The following SOS2 variants were observed in gnomAD, a reference collection of about 807,000 sequenced individuals.
The protein encoded by SOS2 is son of sevenless homolog 2.
In SOS2, 65 loss-of-function variants were observed where a neutral mutation model predicts 148.2. The observed-to-expected ratio is 0.44, with a 90% CI of 0.36 to 0.54. The LOEUF is 0.54. Among genes scored for constraint, SOS2 ranks in the 20% least tolerant of loss-of-function variants. The pLI is 0.00. For missense variants in SOS2, 1,341 were observed against 1,590.2 expected (o/e 0.84, Z 2.67); for synonymous variants, 539 against 537.1 (o/e 1.00, Z -0.05).
At chr14:50,178,741 T>TATAA (rs1885625783) in intron 7 of SOS2, among the ~76,000 whole-genome samples, 1 of 142,928 alleles carries the variant, frequency 7.0e-6, no homozygotes, top group African/African-American at 2.7e-5. Flanking sequence ...TATATATATA[T>TATAA]ATATTTTTTG....
At chr14:50,173,937 T>C (rs1221641057) in intron 8 of SOS2, among the ~76,000 whole-genome samples, 1 of 152,156 alleles carries the variant, frequency 6.6e-6, no homozygotes, top group Non-Finnish European at 1.5e-5. Flanking sequence ...TTGGCCAACA[T>C]TTAAAAATGC....
chr14:50,213,739 C>A (rs950242703), intron 1 of SOS2, among the ~76,000 whole-genome samples: 1 of 149,216 alleles, frequency 6.7e-6, no homozygotes, highest in Non-Finnish European at 1.5e-5. Context: ...GAATATTAAT[C>A]CAACTCAAAT....
intron 4 of SOS2, among the ~76,000 whole-genome samples, chr14:50,197,104 C>T (rs1285014463): frequency 2.0e-5 from 3 of 152,172 alleles, no homozygotes; most frequent in Non-Finnish European, 4.4e-5. Flanking sequence ...CCACCTGTCT[C>T]AGCCTCCCAA....
chr14:50,201,227 T>C (rs1886475845), intron 2 of SOS2, 143 bp from the exon 3 acceptor site: 2 of 797,904 alleles, frequency 2.5e-6, no homozygotes, highest in African/African-American at 1.8e-5. Flanking sequence ...AATAAATAAA[T>C]TTTTTGGCTT....
intron 7 of SOS2, among the ~76,000 whole-genome samples, chr14:50,175,731 T>TA (rs1233513990): frequency 6.6e-6 from 1 of 152,132 alleles, no homozygotes; most frequent in Non-Finnish European, 1.5e-5. Context: ...ATGTTAATTT[T>TA]AAATGTCTAT....
At chr14:50,156,449 C>T (rs988922920) in intron 12 of SOS2, 4 of 152,084 alleles carry the variant, frequency 2.6e-5, no homozygotes, top group Non-Finnish European at 4.4e-5. Context: ...GGGTAATCCC[C>T]GGCACACAGT....
intron 21 of SOS2, among the ~76,000 whole-genome samples, chr14:50,124,390 G>A (rs139400703): frequency 3.0e-4 from 45 of 152,262 alleles, no homozygotes; most frequent in African/African-American, 9.9e-4. Flanking sequence ...CATTTATTGG[G>A]TATTTTGTAT....
chr14:50,195,694 G>A (rs1886290463), intron 4 of SOS2, among the ~76,000 whole-genome samples: 1 of 152,118 alleles, frequency 6.6e-6, no homozygotes, highest in Non-Finnish European at 1.5e-5. Flanking sequence ...CCAGGGGTTT[G>A]AAGCTGCAGT....
At chr14:50,156,152 A>C (rs1884810511) in intron 12 of SOS2, 1 of 152,132 alleles carries the variant, frequency 6.6e-6, no homozygotes, top group Non-Finnish European at 1.5e-5. Context: ...ATAATTAATA[A>C]GATAACTTGG....
chr14:50,129,529 C>T (rs1287058578), intron 21 of SOS2, among the ~76,000 whole-genome samples: 2 of 152,124 alleles, frequency 1.3e-5, no homozygotes, highest in South Asian at 2.1e-4. Flanking sequence ...GGACTACAGG[C>T]GTGCACCACC....
upstream of SOS2, chr14:50,231,602 T>G (rs1037284369): frequency 6.5e-6 from 1 of 152,806 alleles, no homozygotes; most frequent in African/African-American, 2.4e-5. Flanking sequence ...CTCCTTTGTC[T>G]GGGTTCGCGG....
At chr14:50,145,641 T>A (rs760711816) in intron 14 of SOS2, 45 bp from the exon 15 acceptor site, 10 of 1,279,382 alleles carry the variant, frequency 7.8e-6, no homozygotes, top group Non-Finnish European at 1.1e-5. Flanking sequence ...AAAGGATTTG[T>A]ATTACTTAAA....
chr14:50,214,410 A>G (rs776733033), intron 1 of SOS2, among the ~76,000 whole-genome samples: 1 of 152,154 alleles, frequency 6.6e-6, no homozygotes, highest in Non-Finnish European at 1.5e-5. Flanking sequence ...GGAGAAATAA[A>G]TATTTCCTCT....
chr14:50,186,959 G>A (rs1543426), intron 5 of SOS2, among the ~76,000 whole-genome samples: 132,632 of 152,262 alleles, frequency 0.87, 57,831 homozygotes, highest in East Asian at 0.91. Context: ...ATTTACTCAC[G>A]ATGTAGTTAT....
Position 50,227,243 on chromosome 14 carries a change from C to CTTTTT in SOS2, c.87+3953_87+3954insAAAAA, listed in dbSNP as rs374477701. Among the ~76,000 whole-genome samples, 694 of 112,544 alleles carry CTTTTT rather than the reference C, an allele frequency of 6.2e-3. 20 individuals are homozygous for CTTTTT. The highest frequency in any genetic ancestry group is 7.0e-3 in the Non-Finnish European group (406 of 57,758). 73.8% of individuals were successfully genotyped at this position (112,544 alleles called of 152,430 possible). A position where few individuals can be genotyped will look rare whatever the true frequency, so the allele number is the denominator to read the frequency against. ...TCTCTGTGTTTCTTTTTCTTTCTTT[C>CTTTTT]TTTCTTTTTTTTTTTTTTTGAGACA... On this transcript the variant is annotated intron_variant, in intron 1 of 22. Transcript: ENST00000216373.
In SOS2 at chr14:50,118,558, G is replaced by T; in HGVS notation, c.3785C>A (p.Pro1262His). Residue 1262 changes from proline to histidine, a missense_variant, in exon 23 of 23, where the codon CCT becomes CAT. Transcript: ENST00000216373. ...TACCCTTGGAGAGGGTGTGCTAGGA[G>T]GAGTGCTTGGCGAATTTGGACACGT... is the stretch of plus-strand genomic sequence containing the variant. ...ISTCPNSPSTPPSTPSPRVPR... is the reference protein window; with the variant it reads ...ISTCPNSPSTHPSTPSPRVPR... 1 of 1,614,160 alleles carries T rather than the reference G, an allele frequency of 6.2e-7. No individual in the cohort carries two copies. Among genetic ancestry groups the T allele is most frequent in the East Asian group, 2.2e-5 (1 of 44,888 alleles).
In SOS2 at chr14:50,150,234, GA is replaced by G; in HGVS notation, c.2162-5del. ...ACCCATTTTTTCATAGCTTTCCCTG[GA>G]AAAAGAACACATAAAGAAAAATGTC... is the stretch of plus-strand genomic sequence containing the variant. On this transcript the variant is annotated splice_polypyrimidine_tract_variant and splice_region_variant and intron_variant, in intron 13 of 22. Coordinates refer to ENST00000216373, the MANE Select transcript of SOS2 (RefSeq NM_006939.4). 1 of 1,561,074 alleles carries G rather than the reference GA, an allele frequency of 6.4e-7. No individual in the cohort carries two copies. The highest frequency in any genetic ancestry group is 8.8e-7 in the Non-Finnish European group (1 of 1,132,842).
At chr14:50,130,375 A>G in intron 20 of SOS2, 126 bp downstream of exon 20, 1 of 756,478 alleles carries the variant, frequency 1.3e-6, no homozygotes, top group Non-Finnish European at 2.1e-6. Flanking sequence ...TTATTTTCAC[A>G]TTTAGATATC....
chr14:50,159,353 C>T, intron 10 of SOS2, 78 bp downstream of exon 10: 3 of 895,254 alleles, frequency 3.4e-6, no homozygotes, highest in Admixed American at 2.6e-5. Flanking sequence ...TTCCCCAAGC[C>T]TCAAATATTT....
Sources: allele counts gnomAD v4.1 joint callset (sites outside exome capture counted in the v4.1 genomes callset), GRCh38; gene constraint gnomAD v4.1.1; transcripts MANE v1.5; gene names NCBI Gene and HGNC (gene_info 2026-07-23, HGNC 2026-07-21).